The following AK9 variants were observed in gnomAD, a reference collection of about 807,000 sequenced individuals.
AK9 encodes adenylate kinase domain containing 1.
Under a neutral mutation model 239.6 loss-of-function variants are expected in AK9, and 191 were observed. The observed-to-expected ratio is 0.80, with a 90% confidence interval of 0.71 to 0.90. The LOEUF (loss-of-function observed/expected upper bound fraction) is 0.90, where lower values mean the gene tolerates loss of function less well. AK9 is among the 40% of genes least tolerant of loss of function. The pLI is 0.00. For synonymous variants in AK9, 689 were observed against 721.0 expected (o/e 0.96, Z 0.71); for missense variants, 1,995 against 2,214.7 (o/e 0.90, Z 1.99).
chr6:109,657,711 CCT>C (rs1799897884), intron 7 of AK9, among the ~76,000 whole-genome samples: 2 of 152,230 alleles, frequency 1.3e-5, no homozygotes, highest in East Asian at 3.9e-4. Context: ...CCCCCTACCC[CCT>C]GACAGGCTCT....
intron 27 of AK9, among the ~76,000 whole-genome samples, chr6:109,535,937 A>G: frequency 6.6e-6 from 1 of 152,130 alleles, no homozygotes; most frequent in East Asian, 1.9e-4. Context: ...ATTACCTCTG[A>G]GGGCTCTGTT....
intron 28 of AK9, among the ~76,000 whole-genome samples, chr6:109,529,501 T>G (rs1315592380): frequency 6.6e-6 from 1 of 152,166 alleles, no homozygotes; most frequent in Non-Finnish European, 1.5e-5. Context: ...GAAGACAATT[T>G]TCCATGGACC....
Position 109,564,776 on chromosome 6 carries a change from A to G in AK9, c.2414T>C (p.Ile805Thr), listed in dbSNP as rs568816940. 17 of 1,545,558 alleles carry G rather than the reference A, an allele frequency of 1.1e-5. No individual in the cohort carries two copies. Among genetic ancestry groups the G allele is most frequent in the African/African-American group, 2.7e-5 (2 of 72,986 alleles). ...CTAACCTGTTTCAGATAATTTTTCA[A>G]TTTCCAGGCCCTCTTTGGATCCTTT... ...IPKGSKEGLE[I>T]EKLSETVVLP... The change falls in exon 22 of 41, where the codon ATT becomes ACT. Residue 805 changes from isoleucine to threonine, a missense_variant. Physicochemically the swap from Ile to Thr is moderately conservative, Grantham distance 89 (BLOSUM62 -1). Transcript: ENST00000424296.
At chr6:109,680,615 AT>A (rs1772474619) in intron 1 of AK9, among the ~76,000 whole-genome samples, 1 of 152,206 alleles carries the variant, frequency 6.6e-6, no homozygotes, top group Non-Finnish European at 1.5e-5. Context: ...CACCATGAAG[AT>A]ATCCCTTGAG....
chr6:109,515,706 T>G (rs1455712425), intron 31 of AK9, 151 bp downstream of exon 31: 1 of 755,952 alleles, frequency 1.3e-6, no homozygotes, highest in Non-Finnish European at 2.1e-6. Context: ...ATGATTCCAT[T>G]TTAAATCCCA....
At chr6:109,658,747 A>T (rs1800030262) in intron 7 of AK9, among the ~76,000 whole-genome samples, 1 of 152,128 alleles carries the variant, frequency 6.6e-6, no homozygotes, top group Non-Finnish European at 1.5e-5. Context: ...GGATATATTC[A>T]ATTAAATAAA....
rs73523178 is a variant in AK9 at position 109,570,836 on chromosome 6, G to A, written c.2344+2606C>T. Reference sequence around the variant, plus strand: ...AGATTGTGATATGAAGACAAGAAGAGCTCAATGAATTCCCGGGTAAATCAT... The same window carrying A: ...AGATTGTGATATGAAGACAAGAAGAACTCAATGAATTCCCGGGTAAATCAT... On this transcript the variant is annotated intron_variant, in intron 21 of 40. Transcript: ENST00000424296. Among the ~76,000 whole-genome samples the A allele has an allele frequency of 7.9e-3, 1,210 of 152,248 alleles. 26 individuals carry two copies. The highest frequency in any genetic ancestry group is 0.026 in the African/African-American group (1,072 of 41,558).
At chr6:109,547,420 A>G (rs188903770) in intron 25 of AK9, among the ~76,000 whole-genome samples, 63 of 152,374 alleles carry the variant, frequency 4.1e-4, no homozygotes, top group Admixed American at 2.1e-3. Context: ...CTCATTTTCT[A>G]CAAAAGCACC....
Position 109,564,915 on chromosome 6 carries a change from A to G in AK9, c.2345-70T>C, listed in dbSNP as rs148865857. 70 of 1,211,288 alleles carry G rather than the reference A, an allele frequency of 5.8e-5. No individual in the cohort carries two copies. In the East Asian group the frequency reaches 1.6e-3, roughly 28 times the overall value. The allele number at this position is 1,211,288 out of a possible 1,614,324, so 75.0% of individuals were successfully genotyped here. A position where few individuals can be genotyped will look rare whatever the true frequency, so the allele number is the denominator to read the frequency against. On this transcript the variant is annotated intron_variant, in intron 21 of 40. Coordinates refer to ENST00000424296, the MANE Select transcript of AK9 (RefSeq NM_001145128.3). Reference sequence around the variant, plus strand: ...TATTCCTTTATGAAAGTTTTGGCACAAAGAACATTTCAAAATATAGCTTAA... The same window carrying G: ...TATTCCTTTATGAAAGTTTTGGCACGAAGAACATTTCAAAATATAGCTTAA...
intron 21 of AK9, among the ~76,000 whole-genome samples, chr6:109,570,997 T>C (rs1448620825): frequency 6.6e-6 from 1 of 152,156 alleles, no homozygotes; most frequent in African/African-American, 2.4e-5. Flanking sequence ...TGAAGCAATG[T>C]CAACATGAGG....
chr6:109,686,479 G>A (rs2128365075), intron 1 of AK9, among the ~76,000 whole-genome samples: 1 of 152,306 alleles, frequency 6.6e-6, no homozygotes, highest in Middle Eastern at 3.4e-3. Context: ...GACCCATTTA[G>A]TGGGTGACAT....
At chr6:109,603,224 T>C (rs187130271) in intron 17 of AK9, among the ~76,000 whole-genome samples, 28 of 152,338 alleles carry the variant, frequency 1.8e-4, no homozygotes, top group Non-Finnish European at 3.5e-4. Context: ...TGGTCTTTGA[T>C]GATGGTGACG....
intron 10 of AK9, among the ~76,000 whole-genome samples, chr6:109,638,244 A>C (rs1385157917): frequency 1.3e-5 from 2 of 151,988 alleles, no homozygotes; most frequent in Non-Finnish European, 2.9e-5. Context: ...TTCATTGATG[A>C]CCTAGAACAG....
At chr6:109,659,785 G>C (rs1054979416) in intron 6 of AK9, among the ~76,000 whole-genome samples, 1 of 152,020 alleles carries the variant, frequency 6.6e-6, no homozygotes, top group Non-Finnish European at 1.5e-5. Flanking sequence ...GAGCAAAATG[G>C]GGGGAATAGC....
chr6:109,551,336 T>C (rs1202940925), intron 24 of AK9, among the ~76,000 whole-genome samples: 1 of 151,992 alleles, frequency 6.6e-6, no homozygotes, highest in Non-Finnish European at 1.5e-5. Context: ...CTGGCCAACA[T>C]GGTGAAACCC....
intron 5 of AK9, among the ~76,000 whole-genome samples, chr6:109,664,100 T>C (rs1036347463): frequency 6.6e-6 from 1 of 152,236 alleles, no homozygotes. Context: ...TCATAAAATA[T>C]GCAATTTATG....
Position 109,493,249 on chromosome 6 carries a change from T to C in AK9, c.*120A>G. ...TTCACCTGAAGTCTGGCAGCCATGG[T>C]ACCTTGCTCAGGAGGCAAAAGTACT... On this transcript the variant is annotated 3_prime_UTR_variant, in exon 41 of 41. Coordinates refer to ENST00000424296, the MANE Select transcript of AK9 (RefSeq NM_001145128.3). 1 of 1,001,482 alleles carries C rather than the reference T, an allele frequency of 1.0e-6. No individual in the cohort carries two copies. Among genetic ancestry groups the C allele is most frequent in the Non-Finnish European group, 1.5e-6 (1 of 676,556 alleles). The allele number at this position is 1,001,482 out of a possible 1,614,324, so 62.0% of individuals were successfully genotyped here.
chr6:109,572,755 T>A (rs1036763993), intron 21 of AK9, among the ~76,000 whole-genome samples: 4 of 152,180 alleles, frequency 2.6e-5, no homozygotes, highest in African/African-American at 9.7e-5. Context: ...GACCTTTTAG[T>A]TTGTAGGATG....
Position 109,563,704 on chromosome 6 carries a change from G to A in AK9, c.2644C>T (p.Gln882Ter). Reference protein sequence around the residue: ...KVVETMEKPFQYTAWELTGED... With the variant: ...KVVETMEKPF ...CCAGTTAACTCCCATGCAGTATATTGAAATGGTTCTGGAGAAAAAGAGAAT... is the reference window on the plus strand; with the variant it reads ...CCAGTTAACTCCCATGCAGTATATTAAAATGGTTCTGGAGAAAAAGAGAAT... The change falls in exon 24 of 41, where the codon CAA (glutamine) becomes TAA (stop). Residue 882 changes from glutamine to a stop codon, truncating the protein, a stop_gained. Transcript: ENST00000424296. LOFTEE classifies it high-confidence loss of function. 1 of 1,549,534 alleles carries A rather than the reference G, an allele frequency of 6.5e-7. No homozygotes were observed. Among genetic ancestry groups the A allele is most frequent in the South Asian group, 1.2e-5 (1 of 83,736 alleles).
Sources: allele counts gnomAD v4.1 joint callset (sites outside exome capture counted in the v4.1 genomes callset), GRCh38; gene constraint gnomAD v4.1.1; transcripts MANE v1.5; gene names NCBI Gene and HGNC (gene_info 2026-07-23, HGNC 2026-07-21).